Variants in IGF1 observed in about 807,000 individuals in gnomAD.
The protein encoded by IGF1 is insulin-like growth factor 1.
In IGF1, 4 loss-of-function variants were observed where a neutral mutation model predicts 13.8. The ratio of observed to expected loss-of-function variants is 0.29; its 90% CI spans 0.14 to 0.66. The LOEUF is 0.66. Ranked by LOEUF, IGF1 falls within the 30% of genes least tolerant of loss-of-function variation. The pLI is 0.78. For synonymous variants in IGF1, 76 were observed against 72.6 expected (o/e 1.05, Z -0.23); for missense variants, 124 against 188.5 (o/e 0.66, Z 2.00).
At chr12:102,450,816 C>G (rs562489879) in intron 2 of IGF1, among the ~76,000 whole-genome samples, 1 of 152,200 alleles carries the variant, frequency 6.6e-6, no homozygotes, top group Admixed American at 6.5e-5. Context: ...ATACTTTGGG[C>G]GGGTTTTCAG....
At chr12:102,428,391 T>A (rs1876425074) in intron 2 of IGF1, among the ~76,000 whole-genome samples, 1 of 151,692 alleles carries the variant, frequency 6.6e-6, no homozygotes, top group African/African-American at 2.4e-5. Flanking sequence ...AAAGCAGGGA[T>A]CAGTGTTGAG....
chr12:102,425,278 C>T (rs1290314872), intron 2 of IGF1, among the ~76,000 whole-genome samples: 1 of 152,146 alleles, frequency 6.6e-6, no homozygotes, highest in East Asian at 1.9e-4. Context: ...TTTCTATGAA[C>T]TGCATGTCAT....
chr12:102,415,019 C>T (rs1419619073), intron 3 of IGF1, among the ~76,000 whole-genome samples: 1 of 152,194 alleles, frequency 6.6e-6, no homozygotes, highest in Non-Finnish European at 1.5e-5. Context: ...CCAGTTGCCA[C>T]CTGTAGCAAT....
intron 2 of IGF1, among the ~76,000 whole-genome samples, chr12:102,461,197 C>T (rs1879870543): frequency 6.6e-6 from 1 of 152,122 alleles, no homozygotes; most frequent in South Asian, 2.1e-4. Context: ...CTTTACCTGC[C>T]CTGCTGTGGG....
chr12:102,450,356 T>C (rs1425020870), intron 2 of IGF1, among the ~76,000 whole-genome samples: 2 of 152,262 alleles, frequency 1.3e-5, no homozygotes, highest in Admixed American at 1.3e-4. Context: ...ACAGGAATTG[T>C]ATTTGCCTTT....
At chr12:102,402,921 A>T (rs1232895081) in intron 3 of IGF1, among the ~76,000 whole-genome samples, 1 of 152,230 alleles carries the variant, frequency 6.6e-6, no homozygotes, top group Non-Finnish European at 1.5e-5. Flanking sequence ...AGTAAGAAAA[A>T]AAATCAATCA....
intron 3 of IGF1, among the ~76,000 whole-genome samples, chr12:102,411,429 G>A (rs868373084): frequency 1.3e-5 from 2 of 152,190 alleles, no homozygotes; most frequent in African/African-American, 4.8e-5. Flanking sequence ...GGCAGGGCTA[G>A]TTGGTCCTTG....
intron 3 of IGF1, among the ~76,000 whole-genome samples, chr12:102,403,811 C>G (rs544676845): frequency 6.6e-6 from 1 of 151,948 alleles, no homozygotes; most frequent in Non-Finnish European, 1.5e-5. Context: ...CCCTGTGAGA[C>G]CAGAGATGTA....
chr12:102,441,321 T>C (rs1013362180), intron 2 of IGF1, among the ~76,000 whole-genome samples: 1 of 152,210 alleles, frequency 6.6e-6, no homozygotes, highest in Non-Finnish European at 1.5e-5. Flanking sequence ...TCCTTTCTAC[T>C]CCTTTAACCA....
rs1343581773 is a variant in IGF1 at position 102,399,478 on chromosome 12, C to T, written c.*3029G>A. On this transcript the variant is annotated 3_prime_UTR_variant, in exon 4 of 4. Transcript: ENST00000337514. ...GTTTTGGGTTGTGACATTTTGGTTG[C>T]TCCTTTCTATGAAATCTGAGTCATT... 6.6e-6 allele frequency: 1 copy of T among 152,058 alleles called. No individual in the cohort carries two copies. The highest frequency in any genetic ancestry group is 2.4e-5 in the African/African-American group (1 of 41,416). The allele number at this position is 152,058 out of a possible 1,614,324, so 9.4% of individuals were successfully genotyped here.
At chr12:102,465,900 G>C (rs190604872) in intron 2 of IGF1, among the ~76,000 whole-genome samples, 2 of 151,750 alleles carry the variant, frequency 1.3e-5, no homozygotes, top group African/African-American at 2.4e-5. Flanking sequence ...TTGCACCACT[G>C]TACTCCAGCC....
intron 2 of IGF1, among the ~76,000 whole-genome samples, chr12:102,450,248 T>G (rs962683722): frequency 1.3e-5 from 2 of 152,230 alleles, no homozygotes; most frequent in African/African-American, 4.8e-5. Context: ...TGCTCAAAGC[T>G]AAAAATCTCC....
chr12:102,427,440 C>T (rs1181912176), intron 2 of IGF1, among the ~76,000 whole-genome samples: 1 of 152,218 alleles, frequency 6.6e-6, no homozygotes, highest in Non-Finnish European at 1.5e-5. Flanking sequence ...TATTAAAACA[C>T]ATTCTCTTTA....
At chr12:102,456,165 C>T (rs973480332) in intron 2 of IGF1, among the ~76,000 whole-genome samples, 13 of 151,460 alleles carry the variant, frequency 8.6e-5, no homozygotes, top group African/African-American at 2.9e-4. Flanking sequence ...AGTTTTGCCC[C>T]CTTTTAAATT....
chr12:102,441,955 C>CTTCTT (rs1555244164), intron 2 of IGF1, among the ~76,000 whole-genome samples: 1 of 139,980 alleles, frequency 7.1e-6, no homozygotes, highest in Admixed American at 7.4e-5. Flanking sequence ...TCTTCTTCTT[C>CTTCTT]TTTTTTTTTT....
intron 2 of IGF1, among the ~76,000 whole-genome samples, chr12:102,460,121 T>C (rs1289323068): frequency 6.6e-6 from 1 of 152,234 alleles, no homozygotes; most frequent in Admixed American, 6.5e-5. Flanking sequence ...GCACCATTTT[T>C]TTCATAAGAG....
chr12:102,400,553 T>C lies in IGF1; in HGVS notation c.*1954A>G, dbSNP rs1347844872. The C allele has an allele frequency of 6.6e-6, 1 of 152,170 alleles. No homozygotes were observed. The highest frequency in any genetic ancestry group is 1.5e-5 in the Non-Finnish European group (1 of 68,010). The allele number at this position is 152,170 out of a possible 1,614,324, so 9.4% of individuals were successfully genotyped here. ...TCTAGTCAAGCATATTTTAACAAAC[T>C]TTTAAAAAAATGTATATACAGCTAA... On this transcript the variant is annotated 3_prime_UTR_variant, in exon 4 of 4. Transcript: ENST00000337514.
chr12:102,478,668 A>G, intron 1 of IGF1: 1 of 1,374,170 alleles, frequency 7.3e-7, no homozygotes, highest in Non-Finnish European at 9.5e-7. Context: ...GAGCCTGGGT[A>G]AACTGCCTTT....
intron 2 of IGF1, among the ~76,000 whole-genome samples, chr12:102,464,033 G>A (rs1406312233): frequency 6.6e-6 from 1 of 152,136 alleles, no homozygotes; most frequent in African/African-American, 2.4e-5. Flanking sequence ...CTAAGGGCTG[G>A]TGCTCCAGCT....
Sources: gnomAD v4.1 joint callset for allele counts (sites outside exome capture counted in the v4.1 genomes callset) on GRCh38, gnomAD v4.1.1 for gene constraint, MANE v1.5 for transcripts, NCBI Gene and HGNC (gene_info 2026-07-23, HGNC 2026-07-21) for gene names.